Variants in PCDHGC3 observed in about 807,000 individuals in gnomAD.
The protein encoded by PCDHGC3 is protocadherin gamma subfamily C, 3, also known as protocadherin gamma-C3.
Under a neutral mutation model 59.2 loss-of-function variants are expected in PCDHGC3, and 26 were observed. That is an observed-to-expected ratio of 0.44 (90% CI 0.32 to 0.61). The LOEUF (loss-of-function observed/expected upper bound fraction) is 0.61, where lower values mean the gene tolerates loss of function less well. PCDHGC3 is among the 20% of genes least tolerant of loss of function. The probability of loss-of-function intolerance (pLI) is 0.05; values close to 1 mark genes in which losing one functional copy is unlikely to be tolerated. For missense variants in PCDHGC3, 1,080 were observed against 1,221.8 expected (o/e 0.88, Z 1.73); for synonymous variants, 487 against 519.7 (o/e 0.94, Z 0.86).
At chr5:141,495,400 C>T (rs554849650) in intron 2 of PCDHGC3, among the ~76,000 whole-genome samples, 4 of 152,278 alleles carry the variant, frequency 2.6e-5, no homozygotes, top group Non-Finnish European at 1.5e-5. Flanking sequence ...ATGGAGCAGG[C>T]CCCCTTCTCC....
rs1334650353 is a variant in PCDHGC3, at chr5:141,493,099, A to T, written c.2431-1708A>T. Among the ~76,000 whole-genome samples, 1 of 152,192 alleles carries T rather than the reference A, an allele frequency of 6.6e-6. No homozygotes were observed. Among genetic ancestry groups the T allele is most frequent in the East Asian group, 1.9e-4 (1 of 5,198 alleles). On this transcript the variant is annotated intron_variant, in intron 1 of 3. Coordinates refer to ENST00000308177, the MANE Select transcript of PCDHGC3 (RefSeq NM_002588.4). This position sits in a 1 kb window ranked among gnomAD's most constrained non-coding sequence, Gnocchi z 4.3. ...CTCCAGGAGCTTTTATTCAAAATAT[A>T]TCAATGCCTAACTCTGCTCCTAGGA... is the stretch of plus-strand genomic sequence containing the variant.
intron 2 of PCDHGC3, among the ~76,000 whole-genome samples, chr5:141,499,869 G>A (rs1247615457): frequency 3.3e-5 from 5 of 151,938 alleles, no homozygotes; most frequent in Non-Finnish European, 5.9e-5. Context: ...TGTATTTTCA[G>A]TACAAACAGG....
chr5:141,499,689 C>CTTTTT (rs545067566), intron 2 of PCDHGC3, among the ~76,000 whole-genome samples: 5 of 119,848 alleles, frequency 4.2e-5, no homozygotes, highest in Admixed American at 8.7e-5. Context: ...TAACAGATGA[C>CTTTTT]TTTTTTTTTT....
chr5:141,490,106 T>C lies in PCDHGC3; in HGVS notation c.2431-4701T>C, dbSNP rs1314489019. On this transcript the variant is annotated intron_variant, in intron 1 of 3. Coordinates refer to ENST00000308177, the MANE Select transcript of PCDHGC3 (RefSeq NM_002588.4). The surrounding 1 kb of genome is among the most constrained non-coding windows in gnomAD (Gnocchi z 5.4). ...TTTGGAGACCACACATCTGAGGCAG[T>C]GCGGAACCTCTTTGGCCTAGACCCT... 2.5e-6 allele frequency: 4 copies of C among 1,614,246 alleles called. No homozygotes were observed. Among genetic ancestry groups the C allele is most frequent in the South Asian group, 1.1e-5 (1 of 91,086 alleles).
Position 141,485,778 on chromosome 5 carries a change from G to T in PCDHGC3, c.2430+7232G>T. The T allele has an allele frequency of 6.2e-7, 1 of 1,614,216 alleles. No individual in the cohort carries two copies. Among genetic ancestry groups the T allele is most frequent in the Admixed American group, 1.7e-5 (1 of 60,028 alleles). ...CTGCTCCTGGAGAAGCCTTTGGATC[G>T]AGAGAAGCAATCGGACTACCGCCTG... is the stretch of plus-strand genomic sequence containing the variant. On this transcript the variant is annotated intron_variant, in intron 1 of 3. Coordinates refer to ENST00000308177, the MANE Select transcript of PCDHGC3 (RefSeq NM_002588.4). The surrounding 1 kb of genome is among the most constrained non-coding windows in gnomAD (Gnocchi z 5.7).
At chr5:141,502,377 C>A (rs748121694) in intron 2 of PCDHGC3, among the ~76,000 whole-genome samples, 14 of 151,904 alleles carry the variant, frequency 9.2e-5, no homozygotes, top group Non-Finnish European at 1.3e-4. Flanking sequence ...AGAGTCCAGG[C>A]CAGTTGTACT....
chr5:141,485,426 C>T lies in PCDHGC3; in HGVS notation c.2430+6880C>T. 6.2e-7 allele frequency: 1 copy of T among 1,614,158 alleles called. No individual in the cohort carries two copies. Among genetic ancestry groups the T allele is most frequent in the South Asian group, 1.1e-5 (1 of 91,078 alleles). ...TGTGGATTTGGACAGCGGAGCCCTGCTCATCAAGAACCCAATCGACCGAGA... is the reference window on the plus strand; with the variant it reads ...TGTGGATTTGGACAGCGGAGCCCTGTTCATCAAGAACCCAATCGACCGAGA... On this transcript the variant is annotated intron_variant, in intron 1 of 3. Transcript: ENST00000308177. The surrounding 1 kb of genome is among the most constrained non-coding windows in gnomAD (Gnocchi z 5.7).
Position 141,486,676 on chromosome 5 carries a change from T to A in PCDHGC3, c.2430+8130T>A, listed in dbSNP as rs375080564. On this transcript the variant is annotated intron_variant, in intron 1 of 3. Coordinates refer to ENST00000308177, the MANE Select transcript of PCDHGC3 (RefSeq NM_002588.4). This position sits in a 1 kb window ranked among gnomAD's most constrained non-coding sequence, Gnocchi z 5.0. ...CACTCCTGGAGCCCAGGAATCGAGA[T>A]GTATCAGCTTCCTCTTTCATCTCTC... 3 of 1,614,002 alleles carry A rather than the reference T, an allele frequency of 1.9e-6. No homozygotes were observed. The highest frequency in any genetic ancestry group is 2.5e-6 in the Non-Finnish European group (3 of 1,180,036).
rs2154594699 is a variant in PCDHGC3 at position 141,512,507 on chromosome 5, C to T, written c.*1334C>T. 6.5e-6 allele frequency: 1 copy of T among 153,048 alleles called. No individual in the cohort carries two copies. Among genetic ancestry groups the T allele is most frequent in the South Asian group, 2.1e-4 (1 of 4,836 alleles). 9.5% of individuals were successfully genotyped at this position (153,048 alleles called of 1,614,324 possible). ...CACTGCCCAGGTCCCCAGTGCGCCCCCTAGTGGCCATAGCCTGGTTAAAGT... is the reference window on the plus strand; with the variant it reads ...CACTGCCCAGGTCCCCAGTGCGCCCTCTAGTGGCCATAGCCTGGTTAAAGT... On this transcript the variant is annotated 3_prime_UTR_variant, in exon 4 of 4. Transcript: ENST00000308177.
In PCDHGC3 at chr5:141,509,341, G is replaced by C. The variant is rs552337350; in HGVS notation, c.2579-1606G>C. Among the ~76,000 whole-genome samples, 4 of 152,290 alleles carry C rather than the reference G, an allele frequency of 2.6e-5. No homozygotes were observed. The East Asian group carries it at 7.7e-4, about 29-fold the overall frequency. On this transcript the variant is annotated intron_variant, in intron 3 of 3. Transcript: ENST00000308177. ...GAAGCTCTACTGCCAGCTGGGCCTG[G>C]GCTGGCCTGGGCATCCCTGAGGTTT...
At position 141,490,370 on chromosome 5, in the gene PCDHGC3, G is replaced by C. The variant is rs768474199; in HGVS notation, c.2431-4437G>C. ...GTGGGGTTGTTTAATGTGCGAGACC[G>C]GGACTCAGGTAGAAATGGTGAAGTG... On this transcript the variant is annotated intron_variant, in intron 1 of 3. Coordinates refer to ENST00000308177, the MANE Select transcript of PCDHGC3 (RefSeq NM_002588.4). The surrounding 1 kb of genome is among the most constrained non-coding windows in gnomAD (Gnocchi z 5.4). 1 of 1,614,172 alleles carries C rather than the reference G, an allele frequency of 6.2e-7. No individual in the cohort carries two copies. Among genetic ancestry groups the C allele is most frequent in the Admixed American group, 1.7e-5 (1 of 60,026 alleles).
Position 141,489,088 on chromosome 5 carries a change from G to GCCA in PCDHGC3, c.2431-5719_2431-5718insCCA. ...CCCCTGCCCACCCCCGCCACTCGGTGACTAAGAACTGCTGCAAGCAGGCAA... is the reference window on the plus strand; with the variant it reads ...CCCCTGCCCACCCCCGCCACTCGGTGCCAACTAAGAACTGCTGCAAGCAGGCAA... On this transcript the variant is annotated intron_variant, in intron 1 of 3. Coordinates refer to ENST00000308177, the MANE Select transcript of PCDHGC3 (RefSeq NM_002588.4). This position sits in a 1 kb window ranked among gnomAD's most constrained non-coding sequence, Gnocchi z 4.5. The GCCA allele has an allele frequency of 2.9e-6, 1 of 347,238 alleles. No individual in the cohort carries two copies. 21.5% of individuals were successfully genotyped at this position (347,238 alleles called of 1,614,324 possible). A position where few individuals can be genotyped will look rare whatever the true frequency, so the allele number is the denominator to read the frequency against.
chr5:141,477,265 G>A lies in PCDHGC3; in HGVS notation c.1149G>A (p.Glu383=). The A allele has an allele frequency of 6.2e-7, 1 of 1,614,198 alleles. No individual in the cohort carries two copies. Among genetic ancestry groups the A allele is most frequent in the African/African-American group, 1.3e-5 (1 of 75,048 alleles). Residue 383 remains glutamate (E), a synonymous_variant, in exon 1 of 4, where the codon GAG becomes GAA. Transcript: ENST00000308177. The surrounding 1 kb of genome is among the most constrained non-coding windows in gnomAD (Gnocchi z 4.9). ...GTGTGACTGACCTGGATGCTGGCGA[G>A]AACGGGCTGGTGACCTGCGAAGTTC... ...LLSVTDLDAG[E]NGLVTCEVPP...
At position 141,478,493 on chromosome 5, in the gene PCDHGC3, G is replaced by A; in HGVS notation, c.2377G>A (p.Asp793Asn). ...ASRQNTLRSC[D>N]PVFYRQVLGA... ...CCGCCAGAACACGCTGCGGAGCTGT[G>A]ATCCGGTGTTCTATAGGCAGGTGTT... Residue 793 changes from aspartate (D) to asparagine (N), a missense_variant, in exon 1 of 4, where the codon GAT becomes AAT. By Grantham distance (23) the Asp-to-Asn change is conservative. Coordinates refer to ENST00000308177, the MANE Select transcript of PCDHGC3 (RefSeq NM_002588.4). The A allele has an allele frequency of 6.2e-7, 1 of 1,613,176 alleles. No individual in the cohort carries two copies. The highest frequency in any genetic ancestry group is 8.5e-7 in the Non-Finnish European group (1 of 1,179,546).
chr5:141,487,905 G>C lies in PCDHGC3; in HGVS notation c.2431-6902G>C. The C allele has an allele frequency of 1.5e-6, 1 of 686,388 alleles. No individual in the cohort carries two copies. 42.5% of individuals were successfully genotyped at this position (686,388 alleles called of 1,614,324 possible). On this transcript the variant is annotated intron_variant, in intron 1 of 3. Transcript: ENST00000308177. This position sits in a 1 kb window ranked among gnomAD's most constrained non-coding sequence, Gnocchi z 5.0. ...GTGGAAGCATGATGATGGAATGTGG[G>C]AGCACAGGAGGCTACAGTGCACAGG...
At chr5:141,509,216 T>C (rs2099875781) in intron 3 of PCDHGC3, among the ~76,000 whole-genome samples, 1 of 152,124 alleles carries the variant, frequency 6.6e-6, no homozygotes, top group South Asian at 2.1e-4. Flanking sequence ...TATTTCTCAA[T>C]CCCTGGTTGA....
At chr5:141,510,828 C>T in intron 3 of PCDHGC3, 119 bp from the exon 4 acceptor site, 18 of 1,572,154 alleles carry the variant, frequency 1.1e-5, no homozygotes, top group Non-Finnish European at 1.6e-5. Context: ...ATTCCCAGTG[C>T]TCAGCGTGGT....
intron 2 of PCDHGC3, among the ~76,000 whole-genome samples, chr5:141,500,428 C>G (rs1224554560): frequency 6.6e-6 from 1 of 151,836 alleles, no homozygotes; most frequent in African/African-American, 2.4e-5. Context: ...CCAGGATGGT[C>G]TCGATCTCCT....
At chr5:141,495,984 ATC>A (rs2099765081) in intron 2 of PCDHGC3, among the ~76,000 whole-genome samples, 1 of 149,246 alleles carries the variant, frequency 6.7e-6, no homozygotes, top group East Asian at 2.0e-4. Context: ...CTCTTTCTTT[ATC>A]TCTCTTTTTC....
Sources: gnomAD v4.1 joint callset for allele counts (sites outside exome capture counted in the v4.1 genomes callset) on GRCh38, gnomAD v4.1.1 for gene constraint, Gnocchi (gnomAD v3.1) non-coding constraint, MANE v1.5 for transcripts, NCBI Gene and HGNC (gene_info 2026-07-23, HGNC 2026-07-21) for gene names.